ITPR2: variants seen among roughly 807,000 people sequenced by gnomAD.
The protein encoded by ITPR2 is inositol 1,4,5-trisphosphate receptor type 2.
In ITPR2, 207 loss-of-function variants were observed where a neutral mutation model predicts 317.1. That is an observed-to-expected ratio of 0.65 (90% CI 0.58 to 0.73). The LOEUF is 0.73. ITPR2 is among the 30% of genes least tolerant of loss of function. The pLI is 0.00. For missense variants in ITPR2, 2,613 were observed against 3,284.0 expected (o/e 0.80, Z 4.99); for synonymous variants, 1,156 against 1,149.1 (o/e 1.01, Z -0.12).
chr12:26,710,417 T>G (rs1417578768), intron 9 of ITPR2, among the ~76,000 whole-genome samples: 1 of 152,346 alleles, frequency 6.6e-6, no homozygotes, highest in East Asian at 1.9e-4. Context: ...ATGCATCTCA[T>G]ATACAAATCC....
intron 2 of ITPR2, among the ~76,000 whole-genome samples, chr12:26,743,787 A>G (rs1372404272): frequency 2.6e-5 from 4 of 152,200 alleles, no homozygotes; most frequent in Non-Finnish European, 4.4e-5. Flanking sequence ...GCTACTCGGG[A>G]GGCTGAGGCA....
At chr12:26,544,215 CT>C (rs1453414327) in intron 37 of ITPR2, among the ~76,000 whole-genome samples, 1 of 152,044 alleles carries the variant, frequency 6.6e-6, no homozygotes, top group African/African-American at 2.4e-5. Context: ...TTTCAAGAAT[CT>C]TTAAGATGTT....
intron 52 of ITPR2, among the ~76,000 whole-genome samples, chr12:26,404,767 G>T (rs917858351): frequency 6.6e-6 from 1 of 152,132 alleles, no homozygotes; most frequent in African/African-American, 2.4e-5. Context: ...ACAAGGAAAA[G>T]ATTTCAGATG....
intron 2 of ITPR2, among the ~76,000 whole-genome samples, chr12:26,768,994 AACACAC>A (rs143843238): frequency 3.1e-5 from 3 of 96,778 alleles, no homozygotes; most frequent in Admixed American, 9.1e-5. Context: ...CATCCAGTAG[AACACAC>A]ACACACACAC....
At chr12:26,720,499 G>GA (rs1262231205) in intron 5 of ITPR2, among the ~76,000 whole-genome samples, 5 of 152,104 alleles carry the variant, frequency 3.3e-5, no homozygotes, top group East Asian at 3.9e-4. Flanking sequence ...CTATTTTAGG[G>GA]AAAAAAACGA....
intron 41 of ITPR2, among the ~76,000 whole-genome samples, chr12:26,484,731 A>G (rs529419415): frequency 6.6e-6 from 1 of 152,068 alleles, no homozygotes; most frequent in South Asian, 2.1e-4. Context: ...TTTTTTCTCG[A>G]GACAGAGTCT....
At chr12:26,736,584 C>T (rs558450514) in intron 2 of ITPR2, among the ~76,000 whole-genome samples, 8 of 152,270 alleles carry the variant, frequency 5.3e-5, no homozygotes, top group Admixed American at 4.6e-4. Context: ...CCCTATAGCC[C>T]TGTGTGCCCA....
intron 37 of ITPR2, among the ~76,000 whole-genome samples, chr12:26,531,286 A>ACCT (rs1487452537): frequency 2.6e-5 from 4 of 152,274 alleles, no homozygotes; most frequent in African/African-American, 9.6e-5. Context: ...CAATAAATGT[A>ACCT]CTGAGGGTAA....
chr12:26,613,724 A>C (rs1388434091), intron 26 of ITPR2, among the ~76,000 whole-genome samples: 2 of 152,152 alleles, frequency 1.3e-5, no homozygotes, highest in Admixed American at 1.3e-4. Flanking sequence ...CAGAAGAGCA[A>C]AAGGGCACCT....
chr12:26,599,975 TA>T lies in ITPR2; in HGVS notation c.3801+11del. ...CTTTACTAGAAATACTAGAAGCCAC[TA>T]AAATACTTACACCTGGAGTTAAAAA... On this transcript the variant is annotated intron_variant, in intron 29 of 56. Transcript: ENST00000381340. 1 of 1,589,816 alleles carries T rather than the reference TA, an allele frequency of 6.3e-7. No homozygotes were observed.
chr12:26,741,766 G>T (rs943262541), intron 2 of ITPR2, among the ~76,000 whole-genome samples: 1 of 152,186 alleles, frequency 6.6e-6, no homozygotes, highest in African/African-American at 2.4e-5. Flanking sequence ...GAGGGCTCTA[G>T]TCCCCTCAGA....
At chr12:26,592,675 T>C (rs1193928502) in intron 32 of ITPR2, among the ~76,000 whole-genome samples, 2 of 152,246 alleles carry the variant, frequency 1.3e-5, no homozygotes, top group Admixed American at 6.5e-5. Context: ...TAAGATGCTA[T>C]GATTCTTTAG....
At position 26,580,072 on chromosome 12, in the gene ITPR2, G is replaced by T; in HGVS notation, c.4464C>A (p.Ser1488Arg). The T allele has an allele frequency of 6.2e-7, 1 of 1,610,934 alleles. No homozygotes were observed. The highest frequency in any genetic ancestry group is 8.5e-7 in the Non-Finnish European group (1 of 1,177,472). ...CVTESIMNIVSGFFNSPFSDN... is the reference protein window; with the variant it reads ...CVTESIMNIVRGFFNSPFSDN... ...CTGAAAAGGGAGAATTAAAGAAGCC[G>T]CTCACAATATTCATTATTGACTCAG... Residue 1488 changes from serine to arginine, a missense_variant, in exon 33 of 57, where the codon AGC (serine) becomes AGA (arginine). By Grantham distance (110) the Ser-to-Arg change is moderately radical. Transcript: ENST00000381340.
At chr12:26,534,037 A>AT (rs1944016443) in intron 37 of ITPR2, among the ~76,000 whole-genome samples, 1 of 152,180 alleles carries the variant, frequency 6.6e-6, no homozygotes, top group Admixed American at 6.5e-5. Flanking sequence ...TCTCCCTGGC[A>AT]TCTAATCCCT....
chr12:26,596,872 G>C lies in ITPR2; in HGVS notation c.4254+11C>G, dbSNP rs760249100. The C allele has an allele frequency of 6.6e-7, 1 of 1,515,358 alleles. No homozygotes were observed. The highest frequency in any genetic ancestry group is 1.4e-5 in the African/African-American group (1 of 71,568). The allele number at this position is 1,515,358 out of a possible 1,614,324, so 93.9% of individuals were successfully genotyped here. On this transcript the variant is annotated intron_variant, in intron 31 of 56. Transcript: ENST00000381340. ...ATTCTATTAGAGCTGCTAAGCTTTT[G>C]CCAGGCTTACCTCAGGGATGCAGTC... is the stretch of plus-strand genomic sequence containing the variant.
Position 26,663,816 on chromosome 12 carries a change from C to T in ITPR2, c.1582G>A (p.Glu528Lys). 1 of 1,612,852 alleles carries T rather than the reference C, an allele frequency of 6.2e-7. No individual in the cohort carries two copies. Residue 528 changes from glutamate to lysine, a missense_variant, in exon 15 of 57, where the codon GAG becomes AAG. By Grantham distance (56) the Glu-to-Lys change is moderately conservative. Transcript: ENST00000381340. ...AGCATCGAGCCTTCTCCTGCTTTCT[C>T]TTTAAAGGGTGCTTTAAGAATTCCA... is the stretch of plus-strand genomic sequence containing the variant. ...VFGILKAPFKEKAGEGSMLRL... is the reference protein window; with the variant it reads ...VFGILKAPFKKKAGEGSMLRL...
At chr12:26,746,216 A>G (rs944192972) in intron 2 of ITPR2, among the ~76,000 whole-genome samples, 7 of 152,048 alleles carry the variant, frequency 4.6e-5, no homozygotes, top group African/African-American at 1.7e-4. Flanking sequence ...ACACACACAT[A>G]CACACACACA....
At chr12:26,520,003 G>A (rs1232941490) in intron 37 of ITPR2, among the ~76,000 whole-genome samples, 1 of 152,190 alleles carries the variant, frequency 6.6e-6, no homozygotes, top group Non-Finnish European at 1.5e-5. Flanking sequence ...TTACCTGGCT[G>A]GGAGGTAGGT....
Position 26,578,699 on chromosome 12 carries a change from A to C in ITPR2, c.4630+14T>G. 1 of 1,575,336 alleles carries C rather than the reference A, an allele frequency of 6.3e-7. No homozygotes were observed. Among genetic ancestry groups the C allele is most frequent in the Non-Finnish European group, 8.7e-7 (1 of 1,153,182 alleles). ...AGAAATGTAAAAATAAGTAAAACTC[A>C]AACTATGACTTACCCACTTCAGCCA... On this transcript the variant is annotated intron_variant, in intron 34 of 56. Coordinates refer to ENST00000381340, the MANE Select transcript of ITPR2 (RefSeq NM_002223.4).
Sources: gnomAD v4.1 joint callset for allele counts (sites outside exome capture counted in the v4.1 genomes callset) on GRCh38, gnomAD v4.1.1 for gene constraint, MANE v1.5 for transcripts, NCBI Gene and HGNC (gene_info 2026-07-23, HGNC 2026-07-21) for gene names.